GRIK4: variants seen among roughly 807,000 people sequenced by gnomAD.
The protein encoded by GRIK4 is glutamate ionotropic receptor kainate type subunit 4.
Under a neutral mutation model 104.9 loss-of-function variants are expected in GRIK4, and 40 were observed. That is an observed-to-expected ratio of 0.38 (90% CI 0.30 to 0.50). The LOEUF (loss-of-function observed/expected upper bound fraction) is 0.50, where lower values mean the gene tolerates loss of function less well. GRIK4 is among the 20% of genes least tolerant of loss of function. The pLI is 0.93. For missense variants in GRIK4, 1,047 were observed against 1,308.1 expected (o/e 0.80, Z 3.08); for synonymous variants, 485 against 524.9 (o/e 0.92, Z 1.04).
chr11:120,655,104 G>A (rs778675258), intron 2 of GRIK4, among the ~76,000 whole-genome samples: 1 of 152,052 alleles, frequency 6.6e-6, no homozygotes, highest in Non-Finnish European at 1.5e-5. Context: ...CACCTACTAT[G>A]TGCCAGATAG....
chr11:120,609,630 T>C (rs969335286), intron 1 of GRIK4, among the ~76,000 whole-genome samples: 24 of 144,826 alleles, frequency 1.7e-4, no homozygotes, highest in African/African-American at 5.3e-4. Flanking sequence ...TTCTCCTGCC[T>C]CAGCCTCCTG....
At chr11:120,606,253 A>G (rs1948960406) in intron 1 of GRIK4, among the ~76,000 whole-genome samples, 1 of 152,126 alleles carries the variant, frequency 6.6e-6, no homozygotes, top group Non-Finnish European at 1.5e-5. Flanking sequence ...ACAGTGTTGT[A>G]TTAAATCCCC....
intron 1 of GRIK4, among the ~76,000 whole-genome samples, chr11:120,519,411 A>G (rs576179230): frequency 2.4e-4 from 37 of 152,132 alleles, no homozygotes; most frequent in South Asian, 2.1e-3. Flanking sequence ...GAGAACCCGC[A>G]AAGCCCCCTC....
chr11:120,899,115 T>A (rs1298671694), intron 12 of GRIK4, among the ~76,000 whole-genome samples: 1 of 152,052 alleles, frequency 6.6e-6, no homozygotes, highest in Non-Finnish European at 1.5e-5. Flanking sequence ...AAAAGAGAGT[T>A]CTCAATCTAT....
chr11:120,757,686 G>A (rs561468798), intron 3 of GRIK4, among the ~76,000 whole-genome samples: 21 of 152,184 alleles, frequency 1.4e-4, no homozygotes, highest in Non-Finnish European at 2.4e-4. Context: ...CTGGTTTGCC[G>A]AATTGGGCAT....
chr11:120,891,022 C>T lies in GRIK4; in HGVS notation c.1165-7510C>T, dbSNP rs141662601. ...CAGGCAAAGATGTGAGGAAATCCCTCGAGGCTTTAAAAATGAATCTCTTTT... is the reference window on the plus strand; with the variant it reads ...CAGGCAAAGATGTGAGGAAATCCCTTGAGGCTTTAAAAATGAATCTCTTTT... On this transcript the variant is annotated intron_variant, in intron 11 of 20. Transcript: ENST00000527524. 5.3e-5 allele frequency among the ~76,000 whole-genome samples: 8 copies of T among 152,310 alleles called. No homozygotes were observed. The East Asian group carries it at 1.3e-3, about 26-fold the overall frequency.
chr11:120,540,761 T>C (rs1365714530), intron 1 of GRIK4, among the ~76,000 whole-genome samples: 1 of 152,156 alleles, frequency 6.6e-6, no homozygotes, highest in African/African-American at 2.4e-5. Context: ...ATAGGCATTT[T>C]TGGGTACAAG....
At chr11:120,554,675 C>T (rs1227339048) in intron 1 of GRIK4, among the ~76,000 whole-genome samples, 1 of 152,076 alleles carries the variant, frequency 6.6e-6, no homozygotes, top group Non-Finnish European at 1.5e-5. Flanking sequence ...TCTCTTGCCT[C>T]AGCCTCCAGA....
chr11:120,637,532 G>A (rs1387696812), intron 1 of GRIK4, among the ~76,000 whole-genome samples: 5 of 152,220 alleles, frequency 3.3e-5, no homozygotes, highest in African/African-American at 1.2e-4. Context: ...GATACGTAAA[G>A]CAGGACTGCT....
chr11:120,860,026 G>A (rs920643735), intron 8 of GRIK4, among the ~76,000 whole-genome samples: 3 of 152,222 alleles, frequency 2.0e-5, no homozygotes, highest in African/African-American at 4.8e-5. Flanking sequence ...GGGGCCTACA[G>A]CAGCTAAGTC....
rs113983969 is a variant in GRIK4, at chr11:120,878,732, C to T, written c.1164+3489C>T. Among the ~76,000 whole-genome samples, 403 of 151,724 alleles carry T rather than the reference C, an allele frequency of 2.7e-3. 1 individual carries two copies. The highest frequency in any genetic ancestry group is 9.3e-3 in the African/African-American group (384 of 41,338). On this transcript the variant is annotated intron_variant, in intron 11 of 20. Coordinates refer to ENST00000527524, the MANE Select transcript of GRIK4 (RefSeq NM_014619.5). ...TGTATCAGGGACACAGATGTAGCTT[C>T]GCAGCTTTGGTCCCCAGGTCCCATC...
At chr11:120,963,530 G>C (rs1944328871) in intron 18 of GRIK4, among the ~76,000 whole-genome samples, 1 of 152,232 alleles carries the variant, frequency 6.6e-6, no homozygotes, top group South Asian at 2.1e-4. Flanking sequence ...GTGCTGTAGA[G>C]GGTTGTGCTG....
intron 1 of GRIK4, among the ~76,000 whole-genome samples, chr11:120,600,471 C>T (rs1305500225): frequency 3.3e-5 from 5 of 152,224 alleles, no homozygotes; most frequent in Admixed American, 1.3e-4. Flanking sequence ...GGGGTTCCTG[C>T]TCTCTGGGCC....
intron 3 of GRIK4, among the ~76,000 whole-genome samples, chr11:120,664,885 A>G (rs962353155): frequency 1.3e-5 from 2 of 152,158 alleles, no homozygotes; most frequent in Admixed American, 1.3e-4. Context: ...GGCATATTAG[A>G]CACATCAGCA....
At chr11:120,698,099 T>C (rs886767403) in intron 3 of GRIK4, among the ~76,000 whole-genome samples, 1 of 152,262 alleles carries the variant, frequency 6.6e-6, no homozygotes, top group South Asian at 2.1e-4. Flanking sequence ...CACTCAACCC[T>C]GTCCATTTTA....
At chr11:120,564,843 A>G (rs1158438319) in intron 1 of GRIK4, 1 of 152,344 alleles carries the variant, frequency 6.6e-6, no homozygotes. Context: ...TGCGTGGGCC[A>G]CAGGAAGCGG....
At chr11:120,971,939 G>A (rs1309942147) in intron 19 of GRIK4, among the ~76,000 whole-genome samples, 2 of 152,210 alleles carry the variant, frequency 1.3e-5, no homozygotes, top group Non-Finnish European at 2.9e-5. Flanking sequence ...CTTTTTCACA[G>A]GAGGAACCAA....
chr11:120,862,923 T>C (rs4569018), intron 9 of GRIK4, among the ~76,000 whole-genome samples: 72,037 of 151,896 alleles, frequency 0.47, 17,907 homozygotes, highest in African/African-American at 0.61. Flanking sequence ...TGATGCTAAC[T>C]CCAACTTCCT....
chr11:120,842,667 G>A (rs893319530), intron 8 of GRIK4, among the ~76,000 whole-genome samples: 3 of 152,222 alleles, frequency 2.0e-5, no homozygotes, highest in Non-Finnish European at 2.9e-5. Context: ...TCTCTTACCC[G>A]AGGAGGGCAT....
Sources: gnomAD v4.1 joint callset for allele counts (sites outside exome capture counted in the v4.1 genomes callset) on GRCh38, gnomAD v4.1.1 for gene constraint, MANE v1.5 for transcripts, NCBI Gene and HGNC (gene_info 2026-07-23, HGNC 2026-07-21) for gene names.